The following SHANK2 variants were observed in gnomAD, a reference collection of about 807,000 sequenced individuals.
The protein encoded by SHANK2 is SH3 and multiple ankyrin repeat domains 2.
Under a neutral mutation model 133.7 loss-of-function variants are expected in SHANK2, and 43 were observed. That is an observed-to-expected ratio of 0.32 (90% CI 0.25 to 0.41). The LOEUF (loss-of-function observed/expected upper bound fraction) is 0.41. Among genes scored for constraint, SHANK2 ranks in the 10% least tolerant of loss-of-function variants. SHANK2 has a pLI of 1.00. For synonymous variants in SHANK2, 1,017 were observed against 952.8 expected (o/e 1.07, Z -1.24); for missense variants, 1,994 against 2,235.8 (o/e 0.89, Z 2.18).
intron 17 of SHANK2, among the ~76,000 whole-genome samples, chr11:70,653,094 TCCCGAGTAGCTGGGACTA>T (rs1179919328): frequency 6.6e-6 from 1 of 151,972 alleles, no homozygotes; most frequent in Non-Finnish European, 1.5e-5. Context: ...TGCCCCAGCC[TCCCGAGTAGCTGGGACTA>T]CAGGCGCCCA....
At chr11:70,932,957 G>A (rs1025827977) in intron 10 of SHANK2, among the ~76,000 whole-genome samples, 7 of 152,200 alleles carry the variant, frequency 4.6e-5, no homozygotes, top group Admixed American at 3.3e-4. Flanking sequence ...CAGTACAGCC[G>A]TTCCTGGAAA....
chr11:70,799,634 T>C (rs1220929809), intron 13 of SHANK2, among the ~76,000 whole-genome samples: 1 of 152,188 alleles, frequency 6.6e-6, no homozygotes, highest in Non-Finnish European at 1.5e-5. Flanking sequence ...GTTTTCTTTC[T>C]GACTTGTGGT....
chr11:71,144,065 A>G (rs1251589404), intron 3 of SHANK2, among the ~76,000 whole-genome samples: 1 of 152,170 alleles, frequency 6.6e-6, no homozygotes, highest in Non-Finnish European at 1.5e-5. Context: ...GGCATTGCAA[A>G]GGCAAATGAT....
intron 11 of SHANK2, among the ~76,000 whole-genome samples, chr11:70,851,787 A>T (rs180957303): frequency 6.6e-6 from 1 of 152,334 alleles, no homozygotes; most frequent in East Asian, 1.9e-4. Flanking sequence ...TAGCATCGTT[A>T]TTAAGGACCC....
At chr11:70,638,912 A>G (rs2061141527) in intron 17 of SHANK2, among the ~76,000 whole-genome samples, 1 of 152,068 alleles carries the variant, frequency 6.6e-6, no homozygotes, top group South Asian at 2.1e-4. Context: ...CAGGAGAAGC[A>G]TTTGAACACG....
chr11:70,638,240 G>A (rs536008051), intron 17 of SHANK2, among the ~76,000 whole-genome samples: 20 of 152,334 alleles, frequency 1.3e-4, no homozygotes, highest in African/African-American at 4.6e-4. Flanking sequence ...ACGGACTGCC[G>A]GCTTGAAGAA....
intron 17 of SHANK2, among the ~76,000 whole-genome samples, chr11:70,622,282 G>C (rs11236928): frequency 0.18 from 28,079 of 152,020 alleles, 2,800 homozygotes; most frequent in South Asian, 0.33. Flanking sequence ...CTGCCCGGCA[G>C]TGTATGGAAG....
chr11:70,586,843 C>T (rs782040832), intron 17 of SHANK2, among the ~76,000 whole-genome samples: 4 of 152,180 alleles, frequency 2.6e-5, no homozygotes, highest in African/African-American at 9.7e-5. Flanking sequence ...GTGGGCAGAG[C>T]CTAGAGACGC....
chr11:70,940,508 C>T (rs1950632616), intron 10 of SHANK2, among the ~76,000 whole-genome samples: 2 of 151,922 alleles, frequency 1.3e-5, no homozygotes, highest in Non-Finnish European at 2.9e-5. Flanking sequence ...CCACCTTGGC[C>T]TCCCAAAGAA....
At chr11:70,667,538 G>A (rs1470100492) in intron 15 of SHANK2, among the ~76,000 whole-genome samples, 2 of 152,174 alleles carry the variant, frequency 1.3e-5, no homozygotes, top group Non-Finnish European at 2.9e-5. Flanking sequence ...GCTTTTAGCA[G>A]TGGCCCGGGT....
At chr11:70,876,815 G>A (rs1949573463) in intron 11 of SHANK2, among the ~76,000 whole-genome samples, 2 of 152,140 alleles carry the variant, frequency 1.3e-5, no homozygotes, top group African/African-American at 4.8e-5. Flanking sequence ...CGGTGGGGTA[G>A]GGGATGTTCC....
intron 2 of SHANK2, among the ~76,000 whole-genome samples, chr11:71,161,104 G>A (rs181679586): frequency 1.6e-4 from 24 of 152,296 alleles, no homozygotes; most frequent in Admixed American, 1.5e-3. Flanking sequence ...AAGGTATGAT[G>A]GGAAGTGGGG....
intron 17 of SHANK2, among the ~76,000 whole-genome samples, chr11:70,549,790 G>T (rs2059741567): frequency 6.6e-6 from 1 of 152,248 alleles, no homozygotes; most frequent in Non-Finnish European, 1.5e-5. Flanking sequence ...CGACACAGGT[G>T]CTCGAGGAAA....
intron 2 of SHANK2, among the ~76,000 whole-genome samples, chr11:71,210,246 A>ATATATG (rs1954240142): frequency 9.6e-6 from 1 of 104,470 alleles, no homozygotes; most frequent in African/African-American, 5.0e-5. Flanking sequence ...ATATATATAT[A>ATATATG]TATATATTTA....
chr11:70,822,169 G>A (rs1313442581), intron 11 of SHANK2, among the ~76,000 whole-genome samples: 2 of 152,238 alleles, frequency 1.3e-5, no homozygotes, highest in Non-Finnish European at 2.9e-5. Context: ...TCCCCGGCCC[G>A]TGATAATCGT....
Position 70,473,593 on chromosome 11 carries a change from C to A in SHANK2, c.4980-154G>T. The A allele has an allele frequency of 1.3e-6, 1 of 759,716 alleles. No homozygotes were observed. 47.1% of individuals were successfully genotyped at this position (759,716 alleles called of 1,614,324 possible). A position where few individuals can be genotyped will look rare whatever the true frequency, so the allele number is the denominator to read the frequency against. On this transcript the variant is annotated intron_variant, in intron 25 of 25. Coordinates refer to ENST00000601538, the MANE Select transcript of SHANK2 (RefSeq NM_012309.5). The surrounding 1 kb of genome is among the most constrained non-coding windows in gnomAD (Gnocchi z 5.9). ...GCAGTGAACGAATGATTTGCCATGC[C>A]AGGGTGGGGGAGGGGGAGAAAGGGG...
intron 15 of SHANK2, among the ~76,000 whole-genome samples, chr11:70,693,617 C>T (rs1327647144): frequency 6.6e-6 from 1 of 152,180 alleles, no homozygotes; most frequent in East Asian, 1.9e-4. Context: ...TATTGTGTAC[C>T]TTTACTAATT....
chr11:70,925,501 G>A lies in SHANK2; in HGVS notation c.1108-28934C>T, dbSNP rs548100091. Among the ~76,000 whole-genome samples the A allele has an allele frequency of 3.3e-5, 5 of 152,324 alleles. No homozygotes were observed. In the South Asian group the frequency reaches 1.0e-3, roughly 32 times the overall value. On this transcript the variant is annotated intron_variant, in intron 10 of 25. Transcript: ENST00000601538. ...ATCAACACCAAGCAGACATGCACCT[G>A]TGCAAAAGTCAGATACTTAAAAACT... is the stretch of plus-strand genomic sequence containing the variant.
chr11:70,594,732 C>T (rs569902555), intron 17 of SHANK2, among the ~76,000 whole-genome samples: 22 of 152,264 alleles, frequency 1.4e-4, no homozygotes, highest in Admixed American at 3.9e-4. Flanking sequence ...TGATTATACA[C>T]ACTGAGTGAA....
Sources: allele counts gnomAD v4.1 joint callset (sites outside exome capture counted in the v4.1 genomes callset), GRCh38; gene constraint gnomAD v4.1.1; non-coding constraint Gnocchi (gnomAD v3.1); transcripts MANE v1.5; gene names NCBI Gene and HGNC (gene_info 2026-07-23, HGNC 2026-07-21).